Variants in MYO9A observed in about 807,000 individuals in gnomAD.
MYO9A encodes unconventional myosin-IXa.
Under a neutral mutation model 293.3 loss-of-function variants are expected in MYO9A, and 103 were observed. The ratio of observed to expected loss-of-function variants is 0.35; its 90% CI spans 0.30 to 0.41. The LOEUF is 0.41. Among genes scored for constraint, MYO9A ranks in the 10% least tolerant of loss-of-function variants. MYO9A has a pLI of 1.00. For synonymous variants in MYO9A, 1,001 were observed against 1,035.7 expected, an observed-to-expected ratio of 0.97 and a Z score of 0.64; for missense variants, 2,685 against 3,033.0, an observed-to-expected ratio of 0.89 and a Z score of 2.69.
chr15:71,902,526 G>A (rs2057515227), intron 22 of MYO9A, among the ~76,000 whole-genome samples: 1 of 151,558 alleles, frequency 6.6e-6, no homozygotes, highest in Non-Finnish European at 1.5e-5. Context: ...CTTTGTAAAA[G>A]GAAAAAAAAT....
intron 34 of MYO9A, among the ~76,000 whole-genome samples, chr15:71,855,746 A>G (rs574691491): frequency 1.3e-5 from 2 of 152,272 alleles, no homozygotes; most frequent in South Asian, 4.2e-4. Context: ...CTAACCAATT[A>G]GACTATTTCA....
At chr15:71,921,305 C>G (rs1440473394) in intron 18 of MYO9A, among the ~76,000 whole-genome samples, 1 of 152,152 alleles carries the variant, frequency 6.6e-6, no homozygotes, top group Admixed American at 6.5e-5. Context: ...AACTTGTTAT[C>G]CAAAAGGGAA....
chr15:72,006,481 T>C (rs2077020898), intron 8 of MYO9A, among the ~76,000 whole-genome samples: 1 of 152,136 alleles, frequency 6.6e-6, no homozygotes, highest in African/African-American at 2.4e-5. Flanking sequence ...TATTACATCC[T>C]GGAAAGGGCA....
chr15:71,834,029 C>T (rs560154618), intron 39 of MYO9A, among the ~76,000 whole-genome samples: 1 of 151,970 alleles, frequency 6.6e-6, no homozygotes, highest in East Asian at 1.9e-4. Flanking sequence ...AGCAAACAAA[C>T]ATTAGAATAA....
rs1355572544 is a variant in MYO9A, at chr15:72,019,023, A to C, written c.1155+16T>G. ...CCTTTGACAGAAACACAGAATATTT[A>C]GGTACTTGTACTGACCGGCTCAGAG... On this transcript the variant is annotated intron_variant, in intron 6 of 41. Coordinates refer to ENST00000356056, the MANE Select transcript of MYO9A (RefSeq NM_006901.4). 8 of 1,607,842 alleles carry C rather than the reference A, an allele frequency of 5.0e-6. No individual in the cohort carries two copies. Among genetic ancestry groups the C allele is most frequent in the Non-Finnish European group, 6.0e-6 (7 of 1,174,608 alleles).
intron 1 of MYO9A, among the ~76,000 whole-genome samples, chr15:72,100,888 G>T (rs1471962623): frequency 8.2e-6 from 1 of 121,656 alleles, no homozygotes; most frequent in African/African-American, 3.2e-5. Context: ...TCAGCCCCCC[G>T]CCGGCCAGCC....
At chr15:72,113,657 C>A (rs1167273916) in intron 1 of MYO9A, among the ~76,000 whole-genome samples, 1 of 152,068 alleles carries the variant, frequency 6.6e-6, no homozygotes. Flanking sequence ...TGCTCACAAC[C>A]CCATTTTGCG....
intron 1 of MYO9A, among the ~76,000 whole-genome samples, chr15:72,059,771 C>T (rs1177581810): frequency 2.0e-5 from 3 of 152,098 alleles, no homozygotes; most frequent in African/African-American, 4.8e-5. Context: ...GGAAAAGCAT[C>T]GTCAGTTCAG....
chr15:71,915,180 A>G (rs182471984), intron 19 of MYO9A, among the ~76,000 whole-genome samples: 56 of 151,916 alleles, frequency 3.7e-4, no homozygotes, highest in South Asian at 6.2e-4. Flanking sequence ...TAACCCATTA[A>G]TCTTTGCATT....
chr15:71,941,141 A>C (rs1439559537), intron 15 of MYO9A, among the ~76,000 whole-genome samples: 1 of 152,168 alleles, frequency 6.6e-6, no homozygotes, highest in Non-Finnish European at 1.5e-5. Context: ...CCCATTTAAA[A>C]ATCATCAGAT....
At position 71,897,799 on chromosome 15, in the gene MYO9A, C is replaced by T; in HGVS notation, c.4704G>A (p.Lys1568=). The change falls in exon 25 of 42, where the codon AAG becomes AAA. Residue 1568 remains lysine (K), a synonymous_variant. Coordinates refer to ENST00000356056, the MANE Select transcript of MYO9A (RefSeq NM_006901.4). ...GGGACCCCAGTACATTAAGTTCTCC[C>T]TTATTTGAGGTATTTAAGCTGAGGA... ...SSLLSLNTSN[K]GELNVLGSLS... is the part of the protein sequence containing the mutation. 1 of 1,613,980 alleles carries T rather than the reference C, an allele frequency of 6.2e-7. No homozygotes were observed.
intron 25 of MYO9A, among the ~76,000 whole-genome samples, chr15:71,895,808 T>G (rs1304251065): frequency 6.6e-6 from 1 of 152,100 alleles, no homozygotes; most frequent in East Asian, 1.9e-4. Context: ...GATAAATATT[T>G]CACAAGGATG....
chr15:72,047,286 G>C (rs914402148), intron 1 of MYO9A, among the ~76,000 whole-genome samples: 2 of 152,138 alleles, frequency 1.3e-5, no homozygotes, highest in African/African-American at 4.8e-5. Context: ...TGACTTGCTA[G>C]GCAAATTTAA....
At chr15:71,998,422 T>C (rs956385631) in intron 9 of MYO9A, among the ~76,000 whole-genome samples, 2 of 151,876 alleles carry the variant, frequency 1.3e-5, no homozygotes, top group African/African-American at 4.8e-5. Flanking sequence ...ATAACAAACC[T>C]GCACTATACC....
intron 40 of MYO9A, among the ~76,000 whole-genome samples, chr15:71,828,732 C>A (rs1398029879): frequency 6.6e-6 from 1 of 152,190 alleles, no homozygotes; most frequent in Non-Finnish European, 1.5e-5. Context: ...CAATTAATAT[C>A]TTTGTAAAAA....
At chr15:71,946,993 T>C (rs1023396115) in intron 15 of MYO9A, among the ~76,000 whole-genome samples, 1 of 152,180 alleles carries the variant, frequency 6.6e-6, no homozygotes, top group Non-Finnish European at 1.5e-5. Context: ...GGCATGCACC[T>C]GTAGACCTAG....
chr15:72,052,515 G>A (rs191615075), intron 1 of MYO9A, among the ~76,000 whole-genome samples: 222 of 152,270 alleles, frequency 1.5e-3, no homozygotes, highest in African/African-American at 4.6e-3. Flanking sequence ...CCCCTTGTTC[G>A]TCCCATTGTA....
chr15:72,039,034 A>G lies in MYO9A; in HGVS notation c.841-6446T>C, dbSNP rs78344295. 4.7e-3 allele frequency among the ~76,000 whole-genome samples: 723 copies of G among 152,254 alleles called. 7 individuals carry two copies. Among genetic ancestry groups the G allele is most frequent in the African/African-American group, 0.017 (697 of 41,536 alleles). ...AAATCCATATTTATCCATATAGTCT[A>G]TACAGAGGTTAGATAGATACAATGT... On this transcript the variant is annotated intron_variant, in intron 2 of 41. Transcript: ENST00000356056.
At position 72,108,762 on chromosome 15, in the gene MYO9A, A is replaced by ATTTTTTTTTTTTTTTTT. The variant is rs3028363; in HGVS notation, c.-72+8901_-72+8917dup. ...GCAGTAAACTTGTCATGACACATAC[A>ATTTTTTTTTTTTTTTTT]TTTTTTTTTTTTTTTTTGAGACAGA... On this transcript the variant is annotated intron_variant, in intron 1 of 41. Coordinates refer to ENST00000356056, the MANE Select transcript of MYO9A (RefSeq NM_006901.4). 1.4e-5 allele frequency among the ~76,000 whole-genome samples: 2 copies of ATTTTTTTTTTTTTTTTT among 139,242 alleles called. 1 individual carries two copies. Among genetic ancestry groups the ATTTTTTTTTTTTTTTTT allele is most frequent in the Non-Finnish European group, 3.1e-5 (2 of 65,294 alleles). 91.3% of individuals were successfully genotyped at this position (139,242 alleles called of 152,430 possible). A position where few individuals can be genotyped will look rare whatever the true frequency, so the allele number is the denominator to read the frequency against.
Sources: allele counts gnomAD v4.1 joint callset (sites outside exome capture counted in the v4.1 genomes callset), GRCh38; gene constraint gnomAD v4.1.1; transcripts MANE v1.5; gene names NCBI Gene and HGNC (gene_info 2026-07-23, HGNC 2026-07-21).